ABCC9: variants seen among roughly 807,000 people sequenced by gnomAD.
The protein encoded by ABCC9 is ATP-binding cassette sub-family C member 9.
A neutral mutation model predicts 188.3 loss-of-function variants in ABCC9; 95 were observed. The observed-to-expected ratio is 0.50, with a 90% CI of 0.43 to 0.60. ABCC9 has a LOEUF of 0.60. Among genes scored for constraint, ABCC9 ranks in the 20% least tolerant of loss-of-function variants. The pLI is 0.00. For synonymous variants in ABCC9, 659 were observed against 652.7 expected, an observed-to-expected ratio of 1.01 and a Z score of -0.15; for missense variants, 1,102 against 1,876.3, an observed-to-expected ratio of 0.59 and a Z score of 7.62.
chr12:21,919,378 TC>T (rs1388411265), intron 5 of ABCC9, among the ~76,000 whole-genome samples: 2 of 151,864 alleles, frequency 1.3e-5, no homozygotes, highest in Admixed American at 6.6e-5. Flanking sequence ...AAAAGGAGAA[TC>T]AGGAAATATC....
At chr12:21,826,717 C>T (rs1323871849) in intron 31 of ABCC9, among the ~76,000 whole-genome samples, 2 of 152,138 alleles carry the variant, frequency 1.3e-5, no homozygotes, top group East Asian at 3.9e-4. Context: ...AAGTTACTGA[C>T]ATATAAATAC....
At position 21,901,011 on chromosome 12, in the gene ABCC9, C is replaced by G. The variant is rs572195194; in HGVS notation, c.1618+5115G>C. 4.1e-4 allele frequency among the ~76,000 whole-genome samples: 62 copies of G among 152,164 alleles called. 1 individual carries two copies. Among genetic ancestry groups the G allele is most frequent in the African/African-American group, 9.9e-4 (41 of 41,528 alleles). On this transcript the variant is annotated intron_variant, in intron 12 of 39. Coordinates refer to ENST00000261200, the MANE Select transcript of ABCC9 (RefSeq NM_020297.4). ...CCAAGACACATAATTGTCAGATTCA[C>G]CAAAGTTGAAATGAAGGAAAAAATG...
At chr12:21,883,499 G>C (rs1456594853) in intron 15 of ABCC9, among the ~76,000 whole-genome samples, 1 of 152,160 alleles carries the variant, frequency 6.6e-6, no homozygotes, top group Non-Finnish European at 1.5e-5. Context: ...GGAACTGTGA[G>C]TCCATTAAAC....
chr12:21,887,939 A>G lies in ABCC9; in HGVS notation c.1803-5T>C. The G allele has an allele frequency of 9.4e-6, 15 of 1,598,280 alleles. No homozygotes were observed. Among genetic ancestry groups the G allele is most frequent in the Non-Finnish European group, 1.3e-5 (15 of 1,165,742 alleles). On this transcript the variant is annotated splice_region_variant and splice_polypyrimidine_tract_variant and intron_variant, in intron 14 of 39. Coordinates refer to ENST00000261200, the MANE Select transcript of ABCC9 (RefSeq NM_020297.4). ...AACTCATTCAGCTTTTGAACACTGC[A>G]AAAAACAATAAACACAGAATAAGAG...
intron 17 of ABCC9, among the ~76,000 whole-genome samples, chr12:21,874,811 C>A (rs565954730): frequency 6.6e-6 from 1 of 152,076 alleles, no homozygotes. Flanking sequence ...AATTTTGACT[C>A]TTTTAGGTAT....
At position 21,917,075 on chromosome 12, in the gene ABCC9, A is replaced by G. The variant is rs1187821024; in HGVS notation, c.435T>C (p.Phe145=). The change falls in exon 6 of 40, where the codon TTT becomes TTC. Residue 145 remains phenylalanine, a synonymous_variant. Transcript: ENST00000261200. ...LALFLYWVMA[F]ITKTIKLVKY... is the part of the protein sequence containing the mutation. ...TAACCAATTTTATTGTTTTTGTAATAAAGGCCATTACCCAATACAGGAACA... is the reference window on the plus strand; with the variant it reads ...TAACCAATTTTATTGTTTTTGTAATGAAGGCCATTACCCAATACAGGAACA... The G allele has an allele frequency of 6.2e-7, 1 of 1,613,896 alleles. No individual in the cohort carries two copies. Among genetic ancestry groups the G allele is most frequent in the Non-Finnish European group, 8.5e-7 (1 of 1,179,816 alleles).
At chr12:21,879,136 G>C (rs947375678) in intron 16 of ABCC9, among the ~76,000 whole-genome samples, 1 of 152,142 alleles carries the variant, frequency 6.6e-6, no homozygotes. Context: ...AGAAGCAAAC[G>C]ATCAAGAAAA....
At chr12:21,841,035 T>A (rs1400353765) in intron 29 of ABCC9, among the ~76,000 whole-genome samples, 1 of 152,220 alleles carries the variant, frequency 6.6e-6, no homozygotes, top group African/African-American at 2.4e-5. Context: ...TTTGTATATG[T>A]TTTATCTTCC....
At chr12:21,864,418 A>G in intron 19 of ABCC9, 21 bp downstream of exon 19, 1 of 1,537,524 alleles carries the variant, frequency 6.5e-7, no homozygotes, top group Non-Finnish European at 9.0e-7. Context: ...TATTAAACTC[A>G]GGTTAAAATA....
intron 17 of ABCC9, among the ~76,000 whole-genome samples, chr12:21,874,480 C>A (rs1174928587): frequency 6.6e-6 from 1 of 152,126 alleles, no homozygotes; most frequent in Non-Finnish European, 1.5e-5. Flanking sequence ...AATAGAATTG[C>A]CATATGATCC....
rs1159700555 is a variant in ABCC9 at position 21,809,980 on chromosome 12, G to A, written c.4212-25C>T. The A allele has an allele frequency of 5.2e-6, 7 of 1,334,914 alleles. 1 individual carries two copies. The South Asian group carries it at 7.0e-5, about 13-fold the overall frequency. The allele number at this position is 1,334,914 out of a possible 1,614,324, so 82.7% of individuals were successfully genotyped here. On this transcript the variant is annotated intron_variant, in intron 36 of 39. Transcript: ENST00000261200. ...TCTGTAGGGAAAAATTAGTTAATTA[G>A]TCAATAAGTGAAAATATAGAAACTT...
chr12:21,911,171 C>G (rs923516210), intron 8 of ABCC9, among the ~76,000 whole-genome samples, 193 bp from the exon 9 acceptor site: 1 of 151,258 alleles, frequency 6.6e-6, no homozygotes, highest in Non-Finnish European at 1.5e-5. Flanking sequence ...ATGGAAATGC[C>G]TAATTGAAGA....
chr12:21,917,560 C>T (rs1258649833), intron 5 of ABCC9, among the ~76,000 whole-genome samples: 1 of 152,102 alleles, frequency 6.6e-6, no homozygotes, highest in Admixed American at 6.6e-5. Context: ...TCATGGAATT[C>T]ATGTATCTAT....
At chr12:21,905,565 T>A (rs1447839325) in intron 12 of ABCC9, among the ~76,000 whole-genome samples, 4 of 152,058 alleles carry the variant, frequency 2.6e-5, no homozygotes, top group African/African-American at 9.7e-5. Flanking sequence ...CCTAGATTGA[T>A]GCAAAATAAT....
At chr12:21,915,514 A>ATTTTTTTTTTT (rs71053356) in intron 7 of ABCC9, among the ~76,000 whole-genome samples, 154 bp downstream of exon 7, 641 of 3,520 alleles carry the variant, frequency 0.18, 202 homozygotes, top group South Asian at 0.36. Flanking sequence ...ATATATATAT[A>ATTTTTTTTTTT]TTTTTTTTTT....
intron 5 of ABCC9, among the ~76,000 whole-genome samples, chr12:21,917,783 A>G (rs1292351955): frequency 1.3e-5 from 2 of 152,232 alleles, no homozygotes; most frequent in Non-Finnish European, 2.9e-5. Flanking sequence ...ATAGAAGCAG[A>G]GACTTTCCTA....
intron 6 of ABCC9, 125 bp downstream of exon 6, chr12:21,916,806 CTTTATA>C (rs764821783): frequency 4.5e-5 from 35 of 777,738 alleles, no homozygotes; most frequent in African/African-American, 7.2e-5. Flanking sequence ...ATTAGTTCAA[CTTTATA>C]TTTATATATA....
chr12:21,813,062 A>G (rs1054433011), intron 35 of ABCC9, among the ~76,000 whole-genome samples: 1 of 152,162 alleles, frequency 6.6e-6, no homozygotes, highest in African/African-American at 2.4e-5. Context: ...AGAATCTGAT[A>G]TTCTACACAC....
chr12:21,872,297 A>G (rs1173121599), intron 18 of ABCC9, among the ~76,000 whole-genome samples: 1 of 152,222 alleles, frequency 6.6e-6, no homozygotes, highest in Non-Finnish European at 1.5e-5. Context: ...CACATTTTCC[A>G]TAACTTATTT....
Sources: gnomAD v4.1 joint callset for allele counts (sites outside exome capture counted in the v4.1 genomes callset) on GRCh38, gnomAD v4.1.1 for gene constraint, MANE v1.5 for transcripts, NCBI Gene and HGNC (gene_info 2026-07-23, HGNC 2026-07-21) for gene names.